Variants in MOSMO observed in about 807,000 individuals in gnomAD.
MOSMO encodes the protein modulator of smoothened, also known as modulator of smoothened protein.
Under a neutral mutation model 18.4 loss-of-function variants are expected in MOSMO, and 5 were observed. The ratio of observed to expected loss-of-function variants is 0.27; its 90% confidence interval spans 0.14 to 0.57. The LOEUF (loss-of-function observed/expected upper bound fraction) is 0.57. MOSMO is among the 20% of genes least tolerant of loss of function. The pLI is 0.92. For synonymous variants in MOSMO, 82 were observed against 82.3 expected (o/e 1.00, Z 0.02); for missense variants, 138 against 211.8 (o/e 0.65, Z 2.16).
intron 1 of MOSMO, among the ~76,000 whole-genome samples, chr16:22,068,732 C>A (rs1900792806): frequency 6.6e-6 from 1 of 151,994 alleles, no homozygotes; most frequent in Non-Finnish European, 1.5e-5. Context: ...CTGAAAAATT[C>A]ATTGTATGGC....
chr16:22,030,104 AG>A (rs1899963188), intron 1 of MOSMO, among the ~76,000 whole-genome samples: 1 of 151,288 alleles, frequency 6.6e-6, no homozygotes, highest in African/African-American at 2.4e-5. Flanking sequence ...TTCAAACTTA[AG>A]GTTGAAGAAA....
chr16:22,029,458 A>T (rs981596110), intron 1 of MOSMO, among the ~76,000 whole-genome samples: 4 of 152,154 alleles, frequency 2.6e-5, no homozygotes, highest in Non-Finnish European at 5.9e-5. Context: ...AGAATTCACC[A>T]GTTTTAAAGC....
chr16:22,062,372 G>C (rs1254683117), intron 1 of MOSMO, among the ~76,000 whole-genome samples: 1 of 151,976 alleles, frequency 6.6e-6, no homozygotes, highest in African/African-American at 2.4e-5. Context: ...ACCCAGGATG[G>C]AGTACAGTAA....
chr16:22,088,119 G>C (rs150028558), downstream of MOSMO, among the ~76,000 whole-genome samples: 1 of 151,920 alleles, frequency 6.6e-6, no homozygotes, highest in East Asian at 1.9e-4. Context: ...AAATTCCTGG[G>C]CTCAAGCGAT....
chr16:22,067,235 A>T lies in MOSMO; in HGVS notation c.107-8252A>T, dbSNP rs573013452. 2.5e-4 allele frequency among the ~76,000 whole-genome samples: 38 copies of T among 152,322 alleles called. 1 individual carries two copies. Among genetic ancestry groups the T allele is most frequent in the South Asian group, 2.5e-3 (12 of 4,832 alleles). The stretch of plus-strand genomic sequence containing the variant: ...GAGAACATAAGAAATGTGGGACATT[A>T]TCAGGTATATCAACATACACATAAC... On this transcript the variant is annotated intron_variant, in intron 1 of 2. Coordinates refer to ENST00000542527, the MANE Select transcript of MOSMO (RefSeq NM_001164579.2).
At chr16:22,076,093 T>C (rs1014371630) in intron 2 of MOSMO, 1 of 178,804 alleles carries the variant, frequency 5.6e-6, no homozygotes, top group African/African-American at 2.4e-5. Context: ...AAGGTGGAAA[T>C]ATTTTTTAAT....
intron 1 of MOSMO, among the ~76,000 whole-genome samples, chr16:22,012,739 GAAAAAAAAA>G (rs5816166): frequency 3.0e-5 from 2 of 67,140 alleles, no homozygotes; most frequent in Non-Finnish European, 6.1e-5. Context: ...AGAAGGAATA[GAAAAAAAAA>G]AAAAAAAAAG....
rs568984252 is a variant in MOSMO at position 22,021,808 on chromosome 16, T to A, written c.106+13401T>A. ...GTGAGACCCTGTCTCAAAAAAAAAATATATATATATAGGGGAGAAGTCAGA... is the reference window on the plus strand; with the variant it reads ...GTGAGACCCTGTCTCAAAAAAAAAAAATATATATATAGGGGAGAAGTCAGA... On this transcript the variant is annotated intron_variant, in intron 1 of 2. Transcript: ENST00000542527. 3.3e-3 allele frequency among the ~76,000 whole-genome samples: 498 copies of A among 150,994 alleles called. 4 individuals carry two copies. The highest frequency in any genetic ancestry group is 6.5e-3 in the East Asian group (33 of 5,108).
At chr16:22,036,968 G>A (rs1427487585) in intron 1 of MOSMO, among the ~76,000 whole-genome samples, 4 of 152,188 alleles carry the variant, frequency 2.6e-5, no homozygotes, top group Non-Finnish European at 5.9e-5. Flanking sequence ...AGAATGAAAA[G>A]TCATCAGCCT....
rs1160377982 is a variant in MOSMO at position 22,082,088 on chromosome 16, T to C, written c.*1208T>C. ...TATGTTCAGGCACACTTTACATAAA[T>C]ACAAAGTTCGCTAGTAAATATCTGG... On this transcript the variant is annotated 3_prime_UTR_variant, in exon 3 of 3. Coordinates refer to ENST00000542527, the MANE Select transcript of MOSMO (RefSeq NM_001164579.2). 6.6e-6 allele frequency: 1 copy of C among 152,200 alleles called. No homozygotes were observed. The highest frequency in any genetic ancestry group is 1.5e-5 in the Non-Finnish European group (1 of 68,026). The allele number at this position is 152,200 out of a possible 1,614,324, so 9.4% of individuals were successfully genotyped here.
At chr16:22,089,098 A>T (rs1901243124), downstream of MOSMO, among the ~76,000 whole-genome samples, 1 of 151,588 alleles carries the variant, frequency 6.6e-6, no homozygotes, top group Non-Finnish European at 1.5e-5. Context: ...TTCTCTTTGT[A>T]ATCATTGTTC....
chr16:22,012,511 T>G (rs2141977515), intron 1 of MOSMO, among the ~76,000 whole-genome samples: 1 of 152,240 alleles, frequency 6.6e-6, no homozygotes, highest in East Asian at 1.9e-4. Flanking sequence ...CAGAATCCAG[T>G]TTTGAAATGA....
intron 1 of MOSMO, among the ~76,000 whole-genome samples, chr16:22,039,403 C>T (rs925358741): frequency 6.6e-6 from 1 of 152,210 alleles, no homozygotes; most frequent in African/African-American, 2.4e-5. Context: ...ATGTCAAGCT[C>T]TACGCCTGAT....
downstream of MOSMO, among the ~76,000 whole-genome samples, chr16:22,086,417 G>A (rs11644214): frequency 0.039 from 5,937 of 152,020 alleles, 159 homozygotes; most frequent in Non-Finnish European, 0.059. Context: ...TCCCTGCCCC[G>A]GTTGTGTCTG....
chr16:22,034,629 A>C (rs1598005551), intron 1 of MOSMO, among the ~76,000 whole-genome samples: 1 of 136,040 alleles, frequency 7.4e-6, no homozygotes, highest in Non-Finnish European at 1.6e-5. Context: ...TTTTTTCAGT[A>C]TTTCCTCTTT....
chr16:22,043,269 A>T (rs1598009851), intron 1 of MOSMO, among the ~76,000 whole-genome samples: 1 of 152,256 alleles, frequency 6.6e-6, no homozygotes. Context: ...ATGAATAGCA[A>T]GAATTTTAAA....
chr16:22,018,918 A>G (rs750008504), intron 1 of MOSMO, among the ~76,000 whole-genome samples: 1 of 152,210 alleles, frequency 6.6e-6, no homozygotes, highest in African/African-American at 2.4e-5. Flanking sequence ...ATTTCTCTGT[A>G]TTGCAACTTA....
At chr16:22,065,104 A>C (rs1362987857) in intron 1 of MOSMO, among the ~76,000 whole-genome samples, 1 of 152,180 alleles carries the variant, frequency 6.6e-6, no homozygotes, top group East Asian at 1.9e-4. Context: ...TTATGGGATT[A>C]AACCTAAGGT....
At chr16:22,026,199 A>G (rs1899872076) in intron 1 of MOSMO, among the ~76,000 whole-genome samples, 1 of 150,466 alleles carries the variant, frequency 6.6e-6, no homozygotes, top group African/African-American at 2.4e-5. Context: ...GAAGTTGGAT[A>G]TGAGAGAATT....
Sources: gnomAD v4.1 joint callset for allele counts (sites outside exome capture counted in the v4.1 genomes callset) on GRCh38, gnomAD v4.1.1 for gene constraint, MANE v1.5 for transcripts, NCBI Gene and HGNC (gene_info 2026-07-23, HGNC 2026-07-21) for gene names.